Variants in MARCHF7 observed in about 807,000 individuals in gnomAD.
The protein encoded by MARCHF7 is E3 ubiquitin-protein ligase MARCHF7.
MARCHF7 carries 20 observed loss-of-function variants against 76.5 expected under a neutral mutation model. The observed-to-expected ratio is 0.26, with a 90% confidence interval of 0.18 to 0.38. MARCHF7 has a LOEUF of 0.38. Ranked by LOEUF, MARCHF7 falls within the 10% of genes least tolerant of loss-of-function variation. The pLI is 1.00. For synonymous variants in MARCHF7, 295 were observed against 293.0 expected, an observed-to-expected ratio of 1.01 and a Z score of -0.07; for missense variants, 797 against 812.9, an observed-to-expected ratio of 0.98 and a Z score of 0.24.
chr2:159,738,473 A>T (rs1255894977), intron 4 of MARCHF7, among the ~76,000 whole-genome samples: 3 of 152,150 alleles, frequency 2.0e-5, no homozygotes, highest in Non-Finnish European at 4.4e-5. Flanking sequence ...TGAGGTACAC[A>T]GACAGTTGGA....
intron 11 of MARCHF7, 36 bp from the exon 12 acceptor site, chr2:159,767,248 A>AAG: frequency 6.6e-7 from 1 of 1,526,624 alleles, no homozygotes; most frequent in Non-Finnish European, 9.1e-7. Context: ...TATCCCCCTT[A>AAG]AAATCATTCT....
intron 3 of MARCHF7, among the ~76,000 whole-genome samples, chr2:159,723,719 ATATT>A (rs1701876377): frequency 6.6e-6 from 1 of 152,218 alleles, no homozygotes; most frequent in African/African-American, 2.4e-5. Flanking sequence ...GACTATGTAA[ATATT>A]AAAGAGCTCA....
chr2:159,746,488 G>A (rs1704906392), intron 6 of MARCHF7, among the ~76,000 whole-genome samples: 1 of 152,196 alleles, frequency 6.6e-6, no homozygotes, highest in South Asian at 2.1e-4. Context: ...TGCAGCCTTC[G>A]CCTCCTGGGT....
At chr2:159,735,952 A>G (rs1320320196) in intron 4 of MARCHF7, among the ~76,000 whole-genome samples, 1 of 152,184 alleles carries the variant, frequency 6.6e-6, no homozygotes, top group Non-Finnish European at 1.5e-5. Context: ...ATATAGTGAT[A>G]GCCCATCTCT....
chr2:159,721,116 C>T (rs141028866), intron 3 of MARCHF7, among the ~76,000 whole-genome samples: 186 of 151,736 alleles, frequency 1.2e-3, no homozygotes, highest in African/African-American at 4.3e-3. Context: ...TCACCCTCCT[C>T]GGCTTTCCAA....
chr2:159,723,158 GT>G (rs1196164223), intron 3 of MARCHF7, among the ~76,000 whole-genome samples: 2 of 152,146 alleles, frequency 1.3e-5, no homozygotes, highest in Admixed American at 1.3e-4. Flanking sequence ...CATTGTCACT[GT>G]TTAACCATTA....
chr2:159,722,712 C>T (rs1173738879), intron 3 of MARCHF7, among the ~76,000 whole-genome samples: 2 of 152,154 alleles, frequency 1.3e-5, no homozygotes, highest in African/African-American at 4.8e-5. Context: ...TTGTTTTTCA[C>T]TATATTTTGT....
At chr2:159,763,620 A>G (rs924274269) in intron 10 of MARCHF7, among the ~76,000 whole-genome samples, 4 of 152,170 alleles carry the variant, frequency 2.6e-5, no homozygotes, top group African/African-American at 7.2e-5. Context: ...TAGGGTCTCT[A>G]TGTATCTGCC....
chr2:159,752,336 T>C (rs1350215677), intron 7 of MARCHF7, 66 bp from the exon 8 acceptor site: 8 of 1,408,220 alleles, frequency 5.7e-6, no homozygotes, highest in East Asian at 2.6e-5. Context: ...CTTGTGATTA[T>C]GTATGACTGA....
rs763746951 is a variant in MARCHF7, at chr2:159,770,815, C to T, written c.*3473C>T. ...CAAGCTGATTTTCACACAAGATTCC[C>T]TAACTATGCATTTCTTAGAACGTAT... On this transcript the variant is annotated 3_prime_UTR_variant, in exon 12 of 12. Transcript: ENST00000409175. 1.3e-5 allele frequency: 2 copies of T among 152,124 alleles called. No individual in the cohort carries two copies. The highest frequency in any genetic ancestry group is 2.9e-5 in the Non-Finnish European group (2 of 68,000). 9.4% of individuals were successfully genotyped at this position (152,124 alleles called of 1,614,324 possible). A position where few individuals can be genotyped will look rare whatever the true frequency, so the allele number is the denominator to read the frequency against.
At chr2:159,742,960 T>A in intron 4 of MARCHF7, 101 bp from the exon 5 acceptor site, 1 of 1,055,834 alleles carries the variant, frequency 9.5e-7, no homozygotes, top group Non-Finnish European at 1.4e-6. Context: ...AACTACGTGG[T>A]AGAAAAATTG....
chr2:159,759,965 A>G (rs184930495), intron 9 of MARCHF7, among the ~76,000 whole-genome samples: 5 of 152,324 alleles, frequency 3.3e-5, no homozygotes, highest in Non-Finnish European at 7.4e-5. Flanking sequence ...TTTTAAATGT[A>G]GGGGTAATGG....
chr2:159,748,654 G>A lies in MARCHF7; in HGVS notation c.1364G>A (p.Ser455Asn), dbSNP rs1225371177. 1 of 1,614,196 alleles carries A rather than the reference G, an allele frequency of 6.2e-7. No homozygotes were observed. Residue 455 changes from serine to asparagine, a missense_variant, in exon 7 of 12, where the codon AGC becomes AAC. By Grantham distance (46) the Ser-to-Asn change is conservative. This residue lies in a region of MARCHF7 where 643 missense variants were observed against 631.5 expected (regional missense o/e 1.02). Transcript: ENST00000409175. ...ANRPQASAAS[S>N]SATTGGSTSD... ...AGACCACAAGCATCTGCAGCATCAA[G>A]CAGTGCCACAACAGGTGGCTCTACA...
chr2:159,744,305 A>G (rs2125565237), intron 5 of MARCHF7, among the ~76,000 whole-genome samples: 1 of 152,182 alleles, frequency 6.6e-6, no homozygotes, highest in Non-Finnish European at 1.5e-5. Context: ...AGTTCTATAC[A>G]AGGGATTAGA....
intron 4 of MARCHF7, chr2:159,733,967 T>A: frequency 1.5e-6 from 2 of 1,291,226 alleles, no homozygotes; most frequent in Non-Finnish European, 2.0e-6. Context: ...CTCAGCCATT[T>A]GTAAGCTGCG....
intron 4 of MARCHF7, chr2:159,733,461 CT>C (rs1703060191): frequency 2.2e-6 from 2 of 898,880 alleles, no homozygotes; most frequent in African/African-American, 3.6e-5. Context: ...TGGTCTCGAA[CT>C]TAGGAGATCA....
At chr2:159,720,818 A>C (rs1302921231) in intron 3 of MARCHF7, among the ~76,000 whole-genome samples, 1 of 152,184 alleles carries the variant, frequency 6.6e-6, no homozygotes, top group East Asian at 1.9e-4. Context: ...CTGGGCTGCA[A>C]ATCTGCACAA....
intron 3 of MARCHF7, among the ~76,000 whole-genome samples, chr2:159,723,645 A>G (rs941317916): frequency 6.6e-6 from 1 of 152,032 alleles, no homozygotes; most frequent in African/African-American, 2.4e-5. Context: ...TCTTATTTCC[A>G]CTGCCCACTT....
intron 1 of MARCHF7, among the ~76,000 whole-genome samples, chr2:159,714,096 A>T (rs935712669): frequency 1.2e-4 from 19 of 152,232 alleles, no homozygotes; most frequent in African/African-American, 4.6e-4. Flanking sequence ...TGGACACAAA[A>T]GTCATCCATG....
Sources: allele counts gnomAD v4.1 joint callset (sites outside exome capture counted in the v4.1 genomes callset), GRCh38; gene constraint gnomAD v4.1.1; regional missense constraint gnomAD v4.1.1; transcripts MANE v1.5; gene names NCBI Gene and HGNC (gene_info 2026-07-23, HGNC 2026-07-21).